The following ATP13A4 variants were observed in gnomAD, a reference collection of about 807,000 sequenced individuals.
The protein encoded by ATP13A4 is ATPase 13A4.
A neutral mutation model predicts 142.5 loss-of-function variants in ATP13A4; 114 were observed. That is an observed-to-expected ratio of 0.80 (90% CI 0.69 to 0.93). The LOEUF is 0.93. Ranked by LOEUF, ATP13A4 falls within the 40% of genes least tolerant of loss-of-function variation. The pLI, the probability that ATP13A4 is intolerant of heterozygous loss-of-function variation, is 0.00. For synonymous variants in ATP13A4, 488 were observed against 514.8 expected, an observed-to-expected ratio of 0.95 and a Z score of 0.70; for missense variants, 1,392 against 1,454.0, an observed-to-expected ratio of 0.96 and a Z score of 0.69.
At chr3:193,542,794 G>T (rs187495799) in intron 1 of ATP13A4, among the ~76,000 whole-genome samples, 2 of 152,246 alleles carry the variant, frequency 1.3e-5, no homozygotes, top group Admixed American at 1.3e-4. Context: ...AATTGAAACT[G>T]GACCCTGTCC....
intron 25 of ATP13A4, among the ~76,000 whole-genome samples, chr3:193,428,051 G>A (rs1235197505): frequency 2.0e-5 from 3 of 151,780 alleles, no homozygotes; most frequent in Admixed American, 6.6e-5. Context: ...TCTGACAAAG[G>A]GCTAATATCC....
At chr3:193,405,273 C>A (rs1714438395) in intron 29 of ATP13A4, among the ~76,000 whole-genome samples, 1 of 152,220 alleles carries the variant, frequency 6.6e-6, no homozygotes, top group Admixed American at 6.5e-5. Flanking sequence ...CCTCCCAACT[C>A]TTCCCTTCCC....
At chr3:193,442,737 C>T (rs1297985838) in intron 18 of ATP13A4, among the ~76,000 whole-genome samples, 181 bp from the exon 19 acceptor site, 1 of 152,202 alleles carries the variant, frequency 6.6e-6, no homozygotes, top group Non-Finnish European at 1.5e-5. Context: ...GTTCTTACTG[C>T]TTTTCGTCAG....
upstream of ATP13A4, among the ~76,000 whole-genome samples, chr3:193,559,726 G>A (rs1723975353): frequency 6.6e-6 from 1 of 152,152 alleles, no homozygotes; most frequent in Non-Finnish European, 1.5e-5. Flanking sequence ...TCAGCACCAG[G>A]TCTGTTCTCC....
rs865943247 is a variant in ATP13A4 at position 193,519,657 on chromosome 3, T to A, written c.61-4786A>T. Among the ~76,000 whole-genome samples the A allele has an allele frequency of 7.2e-3, 736 of 102,448 alleles. 6 individuals carry two copies. Among genetic ancestry groups the A allele is most frequent in the African/African-American group, 0.027 (651 of 23,952 alleles). 67.2% of individuals were successfully genotyped at this position (102,448 alleles called of 152,430 possible). On this transcript the variant is annotated intron_variant, in intron 1 of 29. Coordinates refer to ENST00000342695, the MANE Select transcript of ATP13A4 (RefSeq NM_032279.4). ...TTTTTTTTTTTTTTTTTTTTTTTTTTAGACAGAATCTTGCTCTGACTCTGT... is the reference window on the plus strand; with the variant it reads ...TTTTTTTTTTTTTTTTTTTTTTTTTAAGACAGAATCTTGCTCTGACTCTGT...
chr3:193,511,385 A>G (rs1721133563), intron 2 of ATP13A4, among the ~76,000 whole-genome samples: 1 of 152,184 alleles, frequency 6.6e-6, no homozygotes, highest in African/African-American at 2.4e-5. Context: ...AGATCACCCG[A>G]CTGAGTATGG....
At chr3:193,530,032 C>A (rs988534818) in intron 1 of ATP13A4, among the ~76,000 whole-genome samples, 1 of 152,134 alleles carries the variant, frequency 6.6e-6, no homozygotes, top group African/African-American at 2.4e-5. Context: ...TCTTCCTTAT[C>A]CTGCATTTGT....
chr3:193,467,182 C>T, intron 10 of ATP13A4, 134 bp downstream of exon 10: 1 of 888,494 alleles, frequency 1.1e-6, no homozygotes, highest in Non-Finnish European at 1.7e-6. Context: ...CTACTATATA[C>T]CCACAAAAAT....
intron 21 of ATP13A4, among the ~76,000 whole-genome samples, chr3:193,439,593 T>A (rs1037746167): frequency 6.6e-6 from 1 of 152,212 alleles, no homozygotes; most frequent in South Asian, 2.1e-4. Context: ...CTGTCAACAG[T>A]CACTCAACTC....
intron 2 of ATP13A4, among the ~76,000 whole-genome samples, chr3:193,578,515 A>G (rs1320459339): frequency 6.6e-6 from 1 of 152,148 alleles, no homozygotes; most frequent in Non-Finnish European, 1.5e-5. Flanking sequence ...TTGTGTGTCA[A>G]CTTGACTGGA....
chr3:193,573,299 A>G lies in ATP13A4; in HGVS notation n.291+8408T>C, dbSNP rs1412675343. On this transcript the variant is annotated intron_variant and non_coding_transcript_variant, in intron 2 of 3. Coordinates refer to the ATP13A4 transcript ENST00000489140. Reference sequence around the variant, plus strand: ...TACATATATATATATACACATATATATATATATACATATATATATATATAT... The same window carrying G: ...TACATATATATATATACACATATATGTATATATACATATATATATATATAT... Among the ~76,000 whole-genome samples, 49 of 78,582 alleles carry G rather than the reference A, an allele frequency of 6.2e-4. 4 individuals are homozygous for G. The South Asian group carries it at 0.022, about 35-fold the overall frequency. 51.6% of individuals were successfully genotyped at this position (78,582 alleles called of 152,430 possible).
intron 1 of ATP13A4, among the ~76,000 whole-genome samples, chr3:193,550,722 A>G (rs1723506921): frequency 6.6e-6 from 1 of 152,230 alleles, no homozygotes; most frequent in Non-Finnish European, 1.5e-5. Flanking sequence ...CTTTATAATC[A>G]GAAAAGAATT....
At chr3:193,551,184 C>A (rs780106286) in intron 1 of ATP13A4, among the ~76,000 whole-genome samples, 2 of 152,164 alleles carry the variant, frequency 1.3e-5, no homozygotes, top group Non-Finnish European at 2.9e-5. Context: ...GAGGCTGAGG[C>A]AGGTGGATCA....
intron 1 of ATP13A4, among the ~76,000 whole-genome samples, chr3:193,529,112 A>G (rs1024776953): frequency 6.6e-6 from 1 of 152,186 alleles, no homozygotes; most frequent in Non-Finnish European, 1.5e-5. Flanking sequence ...TCTACTAAAA[A>G]TACGAAAATT....
Position 193,414,729 on chromosome 3 carries a change from G to C in ATP13A4, c.2864C>G (p.Pro955Arg), listed in dbSNP as rs1372506945. The change falls in exon 26 of 30, where the codon CCT becomes CGT. Residue 955 changes from proline (P) to arginine (R), a missense_variant. Pro to Arg is a moderately radical substitution (Grantham distance 103). Coordinates refer to ENST00000342695, the MANE Select transcript of ATP13A4 (RefSeq NM_032279.4). ...TGCAGGTCTGAAAGGCACCAGCTTA[G>C]GGTAGGCACCATTCAGATTCACTAT... ...GVTMNLNGAY[P>R]KLVPFRPAGR... The C allele has an allele frequency of 6.2e-7, 1 of 1,614,110 alleles. No individual in the cohort carries two copies. Among genetic ancestry groups the C allele is most frequent in the Non-Finnish European group, 8.5e-7 (1 of 1,180,004 alleles).
chr3:193,470,440 C>T (rs1037038958), intron 9 of ATP13A4, among the ~76,000 whole-genome samples: 2 of 152,154 alleles, frequency 1.3e-5, no homozygotes, highest in Admixed American at 6.5e-5. Flanking sequence ...TGGATGACCC[C>T]TGTGGGTTTC....
At chr3:193,547,277 A>G (rs1262980398) in intron 1 of ATP13A4, among the ~76,000 whole-genome samples, 3 of 152,176 alleles carry the variant, frequency 2.0e-5, no homozygotes, top group Admixed American at 6.5e-5. Flanking sequence ...TGCTCACTCA[A>G]TGATGTAACA....
chr3:193,485,962 C>T (rs895241455), intron 7 of ATP13A4, among the ~76,000 whole-genome samples: 1 of 150,408 alleles, frequency 6.6e-6, no homozygotes, highest in African/African-American at 2.4e-5. Flanking sequence ...TTCTATTAAA[C>T]CAAACATAAA....
chr3:193,581,716 A>T (rs1724550244), exon 2 of ATP13A4: 1 of 152,048 alleles, frequency 6.6e-6, no homozygotes, highest in African/African-American at 2.4e-5. Flanking sequence ...CCTCTTCCTG[A>T]TCTCTGGGAA....
Sources: gnomAD v4.1 joint callset for allele counts (sites outside exome capture counted in the v4.1 genomes callset) on GRCh38, gnomAD v4.1.1 for gene constraint, MANE v1.5 for transcripts, NCBI Gene and HGNC (gene_info 2026-07-23, HGNC 2026-07-21) for gene names.